The following SAMD3 variants were observed in gnomAD, a reference collection of about 807,000 sequenced individuals.
SAMD3 encodes the protein sterile alpha motif domain-containing protein 3.
Under a neutral mutation model 58.5 loss-of-function variants are expected in SAMD3, and 63 were observed. That is an observed-to-expected ratio of 1.08 (90% confidence interval 0.88 to 1.33). The LOEUF (loss-of-function observed/expected upper bound fraction) is 1.33. Among genes scored for constraint, SAMD3 ranks in the 40% most tolerant of loss-of-function variants. SAMD3 has a pLI of 0.00. For missense variants in SAMD3, 604 were observed against 608.4 expected (o/e 0.99, Z 0.08); for synonymous variants, 220 against 210.3 (o/e 1.05, Z -0.40).
chr6:130,249,636 T>C (rs1390097074), intron 2 of SAMD3, among the ~76,000 whole-genome samples: 1 of 152,112 alleles, frequency 6.6e-6, no homozygotes, highest in African/African-American at 2.4e-5. Flanking sequence ...GGCATAGCAA[T>C]ATGATAAGCT....
At chr6:130,224,768 G>A (rs1796341830), upstream of SAMD3, among the ~76,000 whole-genome samples, 1 of 151,872 alleles carries the variant, frequency 6.6e-6, no homozygotes, top group Non-Finnish European at 1.5e-5. Context: ...ACAGGCACGT[G>A]CCACCACGCC....
chr6:130,188,979 T>C (rs1793264652), intron 5 of SAMD3, among the ~76,000 whole-genome samples: 1 of 152,100 alleles, frequency 6.6e-6, no homozygotes, highest in Non-Finnish European at 1.5e-5. Flanking sequence ...TTTATGTTGA[T>C]GGATTGTAAA....
In SAMD3 at chr6:130,274,062, T is replaced by C. The variant is rs918376612; in HGVS notation, c.-188+38916A>G. ...TGAATAATTACCTTTAGAATTTTTA[T>C]AAAGCAGTTCTGATAATAAGGTATT... On this transcript the variant is annotated intron_variant, in intron 2 of 13. Coordinates refer to the SAMD3 transcript ENST00000368134. Among the ~76,000 whole-genome samples, 4 of 152,320 alleles carry C rather than the reference T, an allele frequency of 2.6e-5. No homozygotes were observed. In the East Asian group the frequency reaches 5.8e-4, roughly 22 times the overall value.
At chr6:130,278,768 G>C (rs1774874817) in intron 2 of SAMD3, among the ~76,000 whole-genome samples, 1 of 152,148 alleles carries the variant, frequency 6.6e-6, no homozygotes, top group Non-Finnish European at 1.5e-5. Context: ...ACAATAAGGA[G>C]CTGAGAGGTT....
At chr6:130,259,734 A>G (rs528728120) in intron 2 of SAMD3, among the ~76,000 whole-genome samples, 24 of 152,268 alleles carry the variant, frequency 1.6e-4, no homozygotes, top group African/African-American at 5.5e-4. Context: ...ATAACTGTGC[A>G]CTCATGTGCA....
intron 2 of SAMD3, among the ~76,000 whole-genome samples, chr6:130,287,155 T>C (rs535026847): frequency 1.0e-3 from 158 of 152,356 alleles, no homozygotes; most frequent in African/African-American, 3.6e-3. Flanking sequence ...GTATGTACTT[T>C]GCTGTAATGA....
chr6:130,334,039 C>A (rs1777026168), intron 1 of SAMD3, among the ~76,000 whole-genome samples: 1 of 152,226 alleles, frequency 6.6e-6, no homozygotes, highest in Non-Finnish European at 1.5e-5. Flanking sequence ...CCTCCTCCCT[C>A]TGTTGACCTC....
intron 5 of SAMD3, among the ~76,000 whole-genome samples, chr6:130,186,942 T>G (rs899695365): frequency 4.6e-5 from 7 of 151,726 alleles, no homozygotes; most frequent in African/African-American, 1.7e-4. Context: ...GGCTAATTTT[T>G]TTTATTTTTA....
At chr6:130,200,916 G>C (rs1794598734) in intron 5 of SAMD3, among the ~76,000 whole-genome samples, 1 of 151,970 alleles carries the variant, frequency 6.6e-6, no homozygotes, top group Admixed American at 6.6e-5. Context: ...TGAATAAGCT[G>C]TTGGTCATAT....
intron 2 of SAMD3, among the ~76,000 whole-genome samples, chr6:130,244,046 A>G (rs975626243): frequency 1.2e-4 from 18 of 152,242 alleles, no homozygotes; most frequent in African/African-American, 4.3e-4. Flanking sequence ...AATACAAAAA[A>G]GAAGATAGAT....
At chr6:130,182,064 CAAA>C (rs61173557) in intron 7 of SAMD3, among the ~76,000 whole-genome samples, 3 of 54,960 alleles carry the variant, frequency 5.5e-5, no homozygotes, top group Non-Finnish European at 1.2e-4. Context: ...GACTCTGTCT[CAAA>C]AAAAAAAAAA....
intron 8 of SAMD3, chr6:130,161,784 T>C (rs1330787549): frequency 1.3e-5 from 2 of 152,622 alleles, no homozygotes; most frequent in Non-Finnish European, 2.9e-5. Context: ...CAGGTTTCTT[T>C]TAGGGTATTT....
intron 2 of SAMD3, among the ~76,000 whole-genome samples, chr6:130,252,489 G>GTAGC: frequency 6.6e-6 from 1 of 152,124 alleles, no homozygotes; most frequent in East Asian, 1.9e-4. Context: ...AGTAAACCAA[G>GTAGC]TAGCTGCAAA....
At chr6:130,196,778 A>G (rs1199625878) in intron 5 of SAMD3, among the ~76,000 whole-genome samples, 5 of 151,780 alleles carry the variant, frequency 3.3e-5, no homozygotes, top group African/African-American at 1.2e-4. Context: ...CCCGAGTCAG[A>G]TAACTAAAAT....
At chr6:130,239,486 C>T (rs1158118264) in intron 2 of SAMD3, among the ~76,000 whole-genome samples, 1 of 151,942 alleles carries the variant, frequency 6.6e-6, no homozygotes, top group Non-Finnish European at 1.5e-5. Context: ...TTTTTTGGTT[C>T]ACCAAATAAT....
chr6:130,259,563 T>G (rs1173940985), intron 2 of SAMD3, among the ~76,000 whole-genome samples: 2 of 152,080 alleles, frequency 1.3e-5, no homozygotes, highest in African/African-American at 4.8e-5. Context: ...GGACAAACAT[T>G]CAAACCATAG....
At chr6:130,219,697 G>C (rs145738865) in intron 1 of SAMD3, among the ~76,000 whole-genome samples, 1 of 152,086 alleles carries the variant, frequency 6.6e-6, no homozygotes, top group Non-Finnish European at 1.5e-5. Context: ...GTATTCTATC[G>C]TATATATACC....
intron 1 of SAMD3, among the ~76,000 whole-genome samples, chr6:130,314,618 A>G (rs1776297887): frequency 6.6e-6 from 1 of 152,226 alleles, no homozygotes; most frequent in African/African-American, 2.4e-5. Flanking sequence ...GGTGGGATTT[A>G]GCCATAAGAA....
At chr6:130,325,248 C>A (rs1342078942) in intron 1 of SAMD3, among the ~76,000 whole-genome samples, 2 of 152,100 alleles carry the variant, frequency 1.3e-5, no homozygotes, top group Non-Finnish European at 2.9e-5. Context: ...ATTATGGAGG[C>A]CAAGAGTCCC....
Sources: gnomAD v4.1 joint callset for allele counts (sites outside exome capture counted in the v4.1 genomes callset) on GRCh38, gnomAD v4.1.1 for gene constraint, MANE v1.5 for transcripts, NCBI Gene and HGNC (gene_info 2026-07-23, HGNC 2026-07-21) for gene names.